Variants in ODAD2 observed in about 807,000 individuals in gnomAD.
ODAD2 encodes outer dynein arm-docking complex subunit 2.
Under a neutral mutation model 106.8 loss-of-function variants are expected in ODAD2, and 89 were observed. The ratio of observed to expected loss-of-function variants is 0.83; its 90% CI spans 0.70 to 0.99. The LOEUF (loss-of-function observed/expected upper bound fraction) is 0.99. ODAD2 is among the 50% of genes least tolerant of loss of function. ODAD2 has a pLI of 0.00. For synonymous variants in ODAD2, 404 were observed against 436.2 expected (o/e 0.93, Z 0.92); for missense variants, 1,168 against 1,238.5 (o/e 0.94, Z 0.85).
chr10:27,820,087 G>T (rs1836482070), intron 19 of ODAD2, among the ~76,000 whole-genome samples: 1 of 152,118 alleles, frequency 6.6e-6, no homozygotes, highest in Non-Finnish European at 1.5e-5. Flanking sequence ...GCCTGGCCTG[G>T]TTAGTTTGGA....
At chr10:27,941,983 T>A (rs1430383350) in intron 12 of ODAD2, among the ~76,000 whole-genome samples, 2 of 152,146 alleles carry the variant, frequency 1.3e-5, no homozygotes, top group Non-Finnish European at 2.9e-5. Flanking sequence ...GTCTAATTAG[T>A]TATGGCCCCA....
chr10:27,970,911 G>A (rs1343076784), intron 8 of ODAD2, among the ~76,000 whole-genome samples, 197 bp downstream of exon 8: 1 of 151,992 alleles, frequency 6.6e-6, no homozygotes, highest in Non-Finnish European at 1.5e-5. Flanking sequence ...GGCAGAAGTT[G>A]CAGTGAGCTG....
At chr10:27,933,123 T>TGG (rs1845723324) in intron 16 of ODAD2, among the ~76,000 whole-genome samples, 1 of 151,770 alleles carries the variant, frequency 6.6e-6, no homozygotes, top group South Asian at 2.1e-4. Context: ...GAGGGCATGG[T>TGG]GATATAGTCC....
At chr10:27,867,573 G>C (rs1840535703) in intron 17 of ODAD2, among the ~76,000 whole-genome samples, 1 of 152,112 alleles carries the variant, frequency 6.6e-6, no homozygotes, top group Non-Finnish European at 1.5e-5. Context: ...AGATGACAAT[G>C]GAATCCTGGG....
At position 27,952,074 on chromosome 10, in the gene ODAD2, C is replaced by CAA. The variant is rs71388944; in HGVS notation, c.1387-7114_1387-7113dup. On this transcript the variant is annotated intron_variant, in intron 10 of 19. Coordinates refer to ENST00000305242, the MANE Select transcript of ODAD2 (RefSeq NM_018076.5). ...TGGGCAACAGACTGAGATGCCAACTCAAAAAAAAAAAAAAAAAAGACACAC... is the reference window on the plus strand; with the variant it reads ...TGGGCAACAGACTGAGATGCCAACTCAAAAAAAAAAAAAAAAAAAAGACACAC... 1.0e-3 allele frequency among the ~76,000 whole-genome samples: 44 copies of CAA among 44,014 alleles called. 1 individual carries two copies. The highest frequency in any genetic ancestry group is 1.7e-3 in the East Asian group (3 of 1,750). The allele number at this position is 44,014 out of a possible 152,430, so 28.9% of individuals were successfully genotyped here.
In ODAD2 at chr10:27,860,844, A is replaced by C; in HGVS notation, c.2802T>G (p.Asn934Lys). The C allele has an allele frequency of 6.2e-7, 1 of 1,613,640 alleles. No homozygotes were observed. The highest frequency in any genetic ancestry group is 8.5e-7 in the Non-Finnish European group (1 of 1,179,560). Reference sequence around the variant, plus strand: ...CTAGATGATGTCTCAATTTATTGTTATTCTGTGCAAGGGAAAATGAAATGG... The same window carrying C: ...CTAGATGATGTCTCAATTTATTGTTCTTCTGTGCAAGGGAAAATGAAATGG... Reference protein sequence around the residue: ...VPLLSKLANTNNNKLRHHLAE... With the variant: ...VPLLSKLANTKNNKLRHHLAE... The change falls in exon 19 of 20, where the codon AAT (asparagine) becomes AAG (lysine). Residue 934 changes from asparagine (N) to lysine (K), a missense_variant and splice_region_variant. Coordinates refer to ENST00000305242, the MANE Select transcript of ODAD2 (RefSeq NM_018076.5).
intron 19 of ODAD2, among the ~76,000 whole-genome samples, chr10:27,823,292 AT>A (rs1836756356): frequency 1.3e-5 from 2 of 152,240 alleles, no homozygotes; most frequent in Admixed American, 1.3e-4. Flanking sequence ...GATTAAAAAA[AT>A]CTATGTGGAT....
At chr10:27,980,833 C>T (rs555880996) in intron 7 of ODAD2, among the ~76,000 whole-genome samples, 6 of 152,104 alleles carry the variant, frequency 3.9e-5, no homozygotes, top group African/African-American at 1.4e-4. Context: ...GGAAAAGACC[C>T]AAAAGAATTG....
intron 16 of ODAD2, among the ~76,000 whole-genome samples, chr10:27,924,995 A>T (rs948095304): frequency 1.3e-5 from 2 of 151,672 alleles, no homozygotes; most frequent in African/African-American, 4.8e-5. Flanking sequence ...AATGAAAAAA[A>T]AAAAAAAATC....
intron 19 of ODAD2, chr10:27,813,324 T>C (rs1233028895): frequency 6.6e-6 from 1 of 152,236 alleles, no homozygotes; most frequent in Non-Finnish European, 1.5e-5. Context: ...CTAAAGGCCA[T>C]TTATTCCTCA....
chr10:27,940,049 A>AT (rs1846280484), intron 13 of ODAD2, 42 bp from the exon 14 acceptor site: 1 of 1,345,892 alleles, frequency 7.4e-7, no homozygotes, highest in Non-Finnish European at 1.0e-6. Flanking sequence ...CAAGACGTGA[A>AT]TATAAGTAAC....
chr10:27,933,971 C>T (rs931245438), intron 16 of ODAD2, among the ~76,000 whole-genome samples: 1 of 152,114 alleles, frequency 6.6e-6, no homozygotes, highest in Non-Finnish European at 1.5e-5. Flanking sequence ...TGAATTCCCA[C>T]GTGTTGTGGG....
In ODAD2 at chr10:27,871,737, C is replaced by T. The variant is rs551120921; in HGVS notation, c.2611-9115G>A. Among the ~76,000 whole-genome samples the T allele has an allele frequency of 3.9e-5, 6 of 152,258 alleles. No individual in the cohort carries two copies. The East Asian group carries it at 1.2e-3, about 29-fold the overall frequency. ...TATATCTCTGTTTTGGTACCAGTAC[C>T]ATGCAGTTTTGGTTACTGTAGCCTT... On this transcript the variant is annotated intron_variant, in intron 17 of 19. Transcript: ENST00000305242.
At chr10:27,967,656 C>T (rs1450746689) in intron 9 of ODAD2, among the ~76,000 whole-genome samples, 2 of 151,902 alleles carry the variant, frequency 1.3e-5, no homozygotes, top group African/African-American at 2.4e-5. Context: ...TTTGGGAGGC[C>T]GAGGCAGGCA....
intron 17 of ODAD2, among the ~76,000 whole-genome samples, chr10:27,907,210 TGA>T (rs1206317574): frequency 6.6e-6 from 1 of 152,130 alleles, no homozygotes; most frequent in African/African-American, 2.4e-5. Flanking sequence ...ATAAGAAAAG[TGA>T]GAGTCATTGA....
chr10:27,858,026 A>C (rs1839780915), intron 19 of ODAD2, among the ~76,000 whole-genome samples: 1 of 152,232 alleles, frequency 6.6e-6, no homozygotes, highest in Non-Finnish European at 1.5e-5. Context: ...TAGTTGTGAC[A>C]CATTCTCTGC....
At chr10:27,853,365 TATAA>T (rs143299831) in intron 19 of ODAD2, 119 of 260,400 alleles carry the variant, frequency 4.6e-4, no homozygotes, top group South Asian at 8.8e-4. Flanking sequence ...AGACTCTGTC[TATAA>T]ATAAATAAAT....
chr10:27,815,784 G>A (rs759066273), intron 19 of ODAD2, among the ~76,000 whole-genome samples: 12 of 151,914 alleles, frequency 7.9e-5, no homozygotes, highest in Non-Finnish European at 1.5e-4. Flanking sequence ...TTCACTACCT[G>A]AATTCAAATG....
Position 27,940,614 on chromosome 10 carries a change from A to G in ODAD2, c.1935T>C (p.His645=), listed in dbSNP as rs554582469. 1.2e-6 allele frequency: 2 copies of G among 1,614,150 alleles called. No homozygotes were observed. The highest frequency in any genetic ancestry group is 2.2e-5 in the South Asian group (2 of 91,078). ...PLLARLLKTS[H]ENMLIPVVGT... is the part of the protein sequence containing the mutation. ...CCACCACTGGAATTAGCATGTTTTC[A>G]TGAGAAGTCTTCAGCAGCCGAGCCA... Residue 645 remains histidine (H), a synonymous_variant, in exon 13 of 20, where the codon CAT becomes CAC. Transcript: ENST00000305242.
Sources: gnomAD v4.1 joint callset for allele counts (sites outside exome capture counted in the v4.1 genomes callset) on GRCh38, gnomAD v4.1.1 for gene constraint, MANE v1.5 for transcripts, NCBI Gene and HGNC (gene_info 2026-07-23, HGNC 2026-07-21) for gene names.